The following COL22A1 variants were observed in gnomAD, a reference collection of about 807,000 sequenced individuals.
COL22A1 encodes collagen type XXII alpha 1 chain.
A neutral mutation model predicts 248.9 loss-of-function variants in COL22A1; 221 were observed. The ratio of observed to expected loss-of-function variants is 0.89; its 90% CI spans 0.80 to 0.99. The LOEUF is 0.99. COL22A1 is among the 50% of genes least tolerant of loss of function. COL22A1 has a pLI of 0.00. For missense variants in COL22A1, 2,240 were observed against 2,179.0 expected, an observed-to-expected ratio of 1.03 and a Z score of -0.56; for synonymous variants, 891 against 793.4, an observed-to-expected ratio of 1.12 and a Z score of -2.07.
chr8:138,902,511 C>T (rs1484429886), intron 1 of COL22A1, among the ~76,000 whole-genome samples: 2 of 151,910 alleles, frequency 1.3e-5, no homozygotes, highest in East Asian at 3.9e-4. Flanking sequence ...TCCTGCCTAA[C>T]ATGGTGAAAC....
At chr8:138,628,706 A>T (rs928110584) in intron 50 of COL22A1, among the ~76,000 whole-genome samples, 1 of 150,424 alleles carries the variant, frequency 6.6e-6, no homozygotes, top group East Asian at 1.9e-4. Flanking sequence ...TCAAAGTCTT[A>T]TTTAGTACAG....
intron 23 of COL22A1, among the ~76,000 whole-genome samples, chr8:138,732,245 A>G (rs1196737402): frequency 6.6e-6 from 1 of 152,236 alleles, no homozygotes; most frequent in Non-Finnish European, 1.5e-5. Flanking sequence ...TCAAGAAAGA[A>G]TGGGACTACA....
At chr8:138,837,633 C>A (rs1024695918) in intron 4 of COL22A1, among the ~76,000 whole-genome samples, 1 of 152,172 alleles carries the variant, frequency 6.6e-6, no homozygotes, top group Non-Finnish European at 1.5e-5. Context: ...CGGGCTGCCC[C>A]TGTATTGGGG....
At chr8:138,672,550 C>A (rs1825125992) in intron 41 of COL22A1, among the ~76,000 whole-genome samples, 1 of 152,168 alleles carries the variant, frequency 6.6e-6, no homozygotes, top group South Asian at 2.1e-4. Flanking sequence ...GGAATTCTGT[C>A]CCTTTTGTAT....
At chr8:138,698,638 G>A (rs1827711881) in intron 32 of COL22A1, among the ~76,000 whole-genome samples, 1 of 150,388 alleles carries the variant, frequency 6.6e-6, no homozygotes, top group Non-Finnish European at 1.5e-5. Context: ...GTGCTGCCCT[G>A]CAGGTGAAAG....
intron 1 of COL22A1, among the ~76,000 whole-genome samples, chr8:138,912,344 C>G (rs1020932795): frequency 7.9e-5 from 12 of 152,178 alleles, no homozygotes; most frequent in African/African-American, 2.9e-4. Context: ...TTGAACTTAA[C>G]CAGGAGCCTG....
At chr8:138,874,692 T>C (rs999803747) in intron 3 of COL22A1, among the ~76,000 whole-genome samples, 4 of 152,176 alleles carry the variant, frequency 2.6e-5, no homozygotes, top group African/African-American at 9.7e-5. Context: ...TCTGCCCTGC[T>C]CCCAGCCCAG....
In COL22A1 at chr8:138,725,425, G is replaced by A. The variant is rs777919486; in HGVS notation, c.2155C>T (p.Pro719Ser). The change falls in exon 24 of 65, where the codon CCT becomes TCT. Residue 719 changes from proline to serine, a missense_variant. Coordinates refer to ENST00000303045, the MANE Select transcript of COL22A1 (RefSeq NM_152888.3). ...GGTCCAGGGGGGCCTGGGACACCAG[G>A]GGGTCCTGGAGGGCCCTGTAGAGAA... ...LLGLQGPPGPPGVPGPPGPGG... is the reference protein window; with the variant it reads ...LLGLQGPPGPSGVPGPPGPGG... The A allele has an allele frequency of 6.2e-7, 1 of 1,614,100 alleles. No individual in the cohort carries two copies. The highest frequency in any genetic ancestry group is 1.1e-5 in the South Asian group (1 of 91,070).
At chr8:138,692,132 G>T (rs1457652936) in intron 35 of COL22A1, among the ~76,000 whole-genome samples, 1 of 143,524 alleles carries the variant, frequency 7.0e-6, no homozygotes, top group African/African-American at 2.6e-5. Context: ...GTGTGTACGT[G>T]TGTGCATGTT....
chr8:138,856,849 A>C (rs1822068666), intron 3 of COL22A1, among the ~76,000 whole-genome samples: 1 of 152,132 alleles, frequency 6.6e-6, no homozygotes, highest in South Asian at 2.1e-4. Flanking sequence ...GACAAGGAAG[A>C]GGGCCCCAGC....
chr8:138,693,064 T>C (rs1827216990), intron 35 of COL22A1, among the ~76,000 whole-genome samples: 1 of 152,102 alleles, frequency 6.6e-6, no homozygotes, highest in Admixed American at 6.5e-5. Flanking sequence ...AGCTCCACAG[T>C]CCAGCCTGAG....
intron 3 of COL22A1, among the ~76,000 whole-genome samples, chr8:138,863,158 C>G (rs914388823): frequency 6.6e-6 from 1 of 152,158 alleles, no homozygotes; most frequent in African/African-American, 2.4e-5. Flanking sequence ...TGCAGGCTTG[C>G]CGGCTCCCCG....
rs1271727208 is a variant in COL22A1, at chr8:138,594,299, A to G, written c.4433-100T>C. On this transcript the variant is annotated intron_variant, in intron 62 of 64. Coordinates refer to ENST00000303045, the MANE Select transcript of COL22A1 (RefSeq NM_152888.3). ...AACTCAGAACCAGGGGGCCGATAAT[A>G]GCTGCAGAAACGGACATAGGACAGG... The G allele has an allele frequency of 9.5e-6, 10 of 1,047,182 alleles. No homozygotes were observed. In the Admixed American group the frequency reaches 2.9e-4, roughly 30 times the overall value. The allele number at this position is 1,047,182 out of a possible 1,614,324, so 64.9% of individuals were successfully genotyped here. A position where few individuals can be genotyped will look rare whatever the true frequency, so the allele number is the denominator to read the frequency against.
chr8:138,837,915 C>T (rs949598404), intron 4 of COL22A1, among the ~76,000 whole-genome samples: 1 of 152,118 alleles, frequency 6.6e-6, no homozygotes, highest in Non-Finnish European at 1.5e-5. Context: ...CTGGTGGCCT[C>T]CTCCTCAGTG....
intron 1 of COL22A1, among the ~76,000 whole-genome samples, chr8:138,893,595 T>C (rs570494540): frequency 7.9e-5 from 12 of 152,338 alleles, no homozygotes; most frequent in African/African-American, 2.9e-4. Flanking sequence ...CATGAGACAA[T>C]GGATGTGATC....
intron 37 of COL22A1, among the ~76,000 whole-genome samples, chr8:138,688,079 T>C (rs1826507384): frequency 6.6e-6 from 1 of 152,074 alleles, no homozygotes; most frequent in African/African-American, 2.4e-5. Context: ...CCTGGCTCAG[T>C]GTCACCAATT....
At chr8:138,909,420 C>T (rs566990895) in intron 1 of COL22A1, among the ~76,000 whole-genome samples, 181 of 149,980 alleles carry the variant, frequency 1.2e-3, no homozygotes, top group African/African-American at 4.2e-3. Context: ...CAAGAGCAGA[C>T]TGTGCCCCTG....
At chr8:138,810,983 G>A (rs575142487) in intron 9 of COL22A1, among the ~76,000 whole-genome samples, 1 of 152,270 alleles carries the variant, frequency 6.6e-6, no homozygotes, top group South Asian at 2.1e-4. Context: ...GAAGGGCCCC[G>A]GGGCCATTGG....
chr8:138,694,974 C>G (rs903628351), intron 32 of COL22A1, 95 bp from the exon 33 acceptor site: 1 of 1,190,160 alleles, frequency 8.4e-7, no homozygotes, highest in Non-Finnish European at 1.2e-6. Flanking sequence ...CAGGCCACCT[C>G]CAGTCCTGTG....
Sources: allele counts gnomAD v4.1 joint callset (sites outside exome capture counted in the v4.1 genomes callset), GRCh38; gene constraint gnomAD v4.1.1; transcripts MANE v1.5; gene names NCBI Gene and HGNC (gene_info 2026-07-23, HGNC 2026-07-21).